The following SYNE1 variants were observed in gnomAD, a reference collection of about 807,000 sequenced individuals.
The protein encoded by SYNE1 is nesprin-1.
Under a neutral mutation model 1,111.0 loss-of-function variants are expected in SYNE1, and 616 were observed. The ratio of observed to expected loss-of-function variants is 0.55; its 90% CI spans 0.52 to 0.59. SYNE1 has a LOEUF of 0.59. Ranked by LOEUF, SYNE1 falls within the 20% of genes least tolerant of loss-of-function variation. The pLI is 0.00. For synonymous variants in SYNE1, 3,855 were observed against 3,825.8 expected (o/e 1.01, Z -0.28); for missense variants, 10,006 against 10,417.0 (o/e 0.96, Z 1.72).
chr6:152,196,511 G>A (rs2074157586), intron 127 of SYNE1, among the ~76,000 whole-genome samples: 1 of 151,970 alleles, frequency 6.6e-6, no homozygotes, highest in African/African-American at 2.4e-5. Context: ...GTCTTACCAG[G>A]ACTAGGTCCT....
intron 14 of SYNE1, chr6:152,481,600 T>C (rs2098900101): frequency 2.2e-6 from 1 of 444,664 alleles, no homozygotes; most frequent in African/African-American, 2.0e-5. Flanking sequence ...AAAAAAATAG[T>C]TTCAATTAAG....
intron 34 of SYNE1, 47 bp downstream of exon 34, chr6:152,433,748 C>G (rs1335630529): frequency 6.2e-7 from 1 of 1,610,470 alleles, no homozygotes; most frequent in Non-Finnish European, 8.5e-7. Flanking sequence ...GAAAGTAGTT[C>G]TTAAAAGCTA....
rs566144124 is a variant in SYNE1, at chr6:152,232,932, G to C, written c.20713-667C>G. 1.3e-4 allele frequency among the ~76,000 whole-genome samples: 20 copies of C among 152,300 alleles called. 1 individual carries two copies. In the South Asian group the frequency reaches 4.1e-3, roughly 32 times the overall value. On this transcript the variant is annotated intron_variant, in intron 112 of 145. Transcript: ENST00000367255. Reference sequence around the variant, plus strand: ...AACGTGGGTTGGTTCCTGCCCTCTGGGGGCGCACAGCTGTTGCTTAGGAGA... The same window carrying C: ...AACGTGGGTTGGTTCCTGCCCTCTGCGGGCGCACAGCTGTTGCTTAGGAGA...
chr6:152,212,841 A>G (rs1345565087), intron 123 of SYNE1, among the ~76,000 whole-genome samples: 2 of 152,138 alleles, frequency 1.3e-5, no homozygotes, highest in Non-Finnish European at 2.9e-5. Context: ...ATGCAATCTC[A>G]TTGTAGTCTT....
intron 93 of SYNE1, among the ~76,000 whole-genome samples, chr6:152,294,756 T>C (rs951664514): frequency 1.6e-4 from 25 of 152,202 alleles, no homozygotes; most frequent in African/African-American, 6.0e-4. Context: ...TGAAATATCA[T>C]GCTTTCAAAT....
chr6:152,620,581 T>C (rs1343004365), intron 3 of SYNE1, among the ~76,000 whole-genome samples: 1 of 152,076 alleles, frequency 6.6e-6, no homozygotes, highest in African/African-American at 2.4e-5. Context: ...GAGGACCAAG[T>C]TTAATTTTTT....
intron 30 of SYNE1, among the ~76,000 whole-genome samples, chr6:152,444,054 A>G (rs1414856565): frequency 6.6e-6 from 1 of 152,250 alleles, no homozygotes. Flanking sequence ...AGTGATCTCA[A>G]ATAGGAAGCA....
At chr6:152,143,495 G>A in intron 138 of SYNE1, 128 bp downstream of exon 138, 1 of 1,390,024 alleles carries the variant, frequency 7.2e-7, no homozygotes, top group Non-Finnish European at 1.0e-6. Context: ...TGCACATCCA[G>A]GTTCACGAGT....
intron 105 of SYNE1, among the ~76,000 whole-genome samples, chr6:152,247,727 T>TTTTATATATATATATATATA (rs1193626300): frequency 8.5e-6 from 1 of 117,784 alleles, no homozygotes; most frequent in African/African-American, 3.5e-5. Context: ...ATATTTTTTA[T>TTTTATATATATATATATATA]TATATATATA....
chr6:152,560,486 T>A (rs2099391704), intron 3 of SYNE1, among the ~76,000 whole-genome samples: 1 of 152,218 alleles, frequency 6.6e-6, no homozygotes, highest in Admixed American at 6.5e-5. Context: ...CTGATGGTTT[T>A]ATGTGTGAAT....
At chr6:152,161,869 T>C (rs536308534) in intron 131 of SYNE1, among the ~76,000 whole-genome samples, 2 of 152,300 alleles carry the variant, frequency 1.3e-5, no homozygotes, top group Non-Finnish European at 2.9e-5. Context: ...TCCAATCTCC[T>C]GGCTAGGGTG....
At position 152,336,875 on chromosome 6, in the gene SYNE1, A is replaced by G; in HGVS notation, c.12494T>C (p.Leu4165Pro). 1.2e-6 allele frequency: 2 copies of G among 1,614,046 alleles called. No homozygotes were observed. Among genetic ancestry groups the G allele is most frequent in the Non-Finnish European group, 1.7e-6 (2 of 1,180,028 alleles). Residue 4165 changes from leucine to proline, a missense_variant, in exon 76 of 146, where the codon CTG becomes CCG. Leu to Pro is a moderately conservative substitution (Grantham distance 98). This residue lies in a region of SYNE1 where 4,955 missense variants were observed against 5,017.2 expected (regional missense o/e 0.99). Transcript: ENST00000367255. ...NMKRRHSELE[L>P]NIAQNMVSQV... Reference sequence around the variant, plus strand: ...TGAAACCATGTTCTGTGCAATGTTCAGCTCCAGCTCAGAGTGCCTCCTCTT... The same window carrying G: ...TGAAACCATGTTCTGTGCAATGTTCGGCTCCAGCTCAGAGTGCCTCCTCTT...
chr6:152,465,137 A>G, intron 18 of SYNE1, 121 bp downstream of exon 18: 1 of 1,146,620 alleles, frequency 8.7e-7, no homozygotes, highest in East Asian at 2.4e-5. Flanking sequence ...CTTTTCAGGC[A>G]AAGTCAAGAT....
intron 94 of SYNE1, 57 bp from the exon 95 acceptor site, chr6:152,293,806 C>T: frequency 6.2e-7 from 1 of 1,613,058 alleles, no homozygotes; most frequent in East Asian, 2.2e-5. Flanking sequence ...TTTCAGATTA[C>T]AACATTTCTT....
intron 3 of SYNE1, among the ~76,000 whole-genome samples, chr6:152,609,265 C>T (rs554749652): frequency 6.6e-6 from 1 of 152,158 alleles, no homozygotes; most frequent in African/African-American, 2.4e-5. Context: ...GACACTCTCG[C>T]CCAAATACTG....
intron 121 of SYNE1, among the ~76,000 whole-genome samples, chr6:152,218,020 C>G (rs1220130482): frequency 1.3e-5 from 2 of 151,978 alleles, no homozygotes; most frequent in East Asian, 3.9e-4. Context: ...ACCAGTGAAA[C>G]CTCGTCTCTA....
chr6:152,395,084 G>A (rs62426392), intron 51 of SYNE1, among the ~76,000 whole-genome samples: 22,253 of 151,368 alleles, frequency 0.15, 1,777 homozygotes, highest in East Asian at 0.35. Flanking sequence ...CACCTGGCAA[G>A]CACTCTTTTT....
intron 3 of SYNE1, among the ~76,000 whole-genome samples, chr6:152,559,571 A>T (rs2099387952): frequency 6.6e-6 from 1 of 152,232 alleles, no homozygotes; most frequent in Non-Finnish European, 1.5e-5. Flanking sequence ...AAACCAAAAA[A>T]TATCTTGAGA....
At chr6:152,509,965 G>A (rs927033275) in intron 8 of SYNE1, among the ~76,000 whole-genome samples, 1 of 151,994 alleles carries the variant, frequency 6.6e-6, no homozygotes, top group Non-Finnish European at 1.5e-5. Flanking sequence ...AATTAATTAG[G>A]CCCAATTGCA....
Sources: gnomAD v4.1 joint callset for allele counts (sites outside exome capture counted in the v4.1 genomes callset) on GRCh38, gnomAD v4.1.1 for gene constraint, gnomAD v4.1.1 regional missense constraint, MANE v1.5 for transcripts, NCBI Gene and HGNC (gene_info 2026-07-23, HGNC 2026-07-21) for gene names.